FRY: variants seen among roughly 807,000 people sequenced by gnomAD.
FRY encodes the protein protein furry homolog.
FRY carries 128 observed loss-of-function variants against 348.4 expected under a neutral mutation model. That is an observed-to-expected ratio of 0.37 (90% confidence interval 0.32 to 0.43). FRY has a LOEUF of 0.43. Ranked by LOEUF, FRY falls within the 20% of genes least tolerant of loss-of-function variation. FRY has a pLI of 1.00. For missense variants in FRY, 2,736 were observed against 3,695.2 expected, an observed-to-expected ratio of 0.74 and a Z score of 6.73; for synonymous variants, 1,370 against 1,374.7, an observed-to-expected ratio of 1.00 and a Z score of 0.08.
At chr13:32,154,651 T>C (rs1406461312) in intron 14 of FRY, among the ~76,000 whole-genome samples, 1 of 152,236 alleles carries the variant, frequency 6.6e-6, no homozygotes, top group Non-Finnish European at 1.5e-5. Context: ...ACTCAATACA[T>C]TGTAACTAAA....
chr13:32,273,447 C>A (rs568415575), intron 55 of FRY, among the ~76,000 whole-genome samples: 1 of 152,138 alleles, frequency 6.6e-6, no homozygotes, highest in African/African-American at 2.4e-5. Flanking sequence ...TGGTCTCGAT[C>A]TCCTGACCTC....
Position 32,254,257 on chromosome 13 carries a change from C to G in FRY, c.7279C>G (p.Leu2427Val). ...IFSSCGDLDL[L>V]EHQTSLVSSE... ...TTCATCGTGTGGGGATCTGGATCTG[C>G]TTGAGCACCAGACAAGCTTGGTATC... Residue 2427 changes from leucine to valine, a missense_variant, in exon 51 of 61, where the codon CTT becomes GTT. Leu to Val is a conservative substitution (Grantham distance 32, BLOSUM62 1). This residue lies in a region of FRY where 789 missense variants were observed against 996.2 expected (regional missense o/e 0.79). Coordinates refer to ENST00000542859, the MANE Select transcript of FRY (RefSeq NM_023037.3). 1.2e-6 allele frequency: 2 copies of G among 1,614,010 alleles called. No homozygotes were observed. The highest frequency in any genetic ancestry group is 1.7e-6 in the Non-Finnish European group (2 of 1,179,984).
intron 3 of FRY, among the ~76,000 whole-genome samples, chr13:32,116,565 A>T (rs1312519465): frequency 6.6e-6 from 1 of 152,176 alleles, no homozygotes; most frequent in Non-Finnish European, 1.5e-5. Flanking sequence ...CAAAGGTTTT[A>T]TCCTATGTTT....
At chr13:32,055,617 C>T (rs1873582362) in intron 1 of FRY, among the ~76,000 whole-genome samples, 1 of 151,832 alleles carries the variant, frequency 6.6e-6, no homozygotes, top group African/African-American at 2.4e-5. Context: ...TTTGTCAGAC[C>T]CCTCTCCAAA....
intron 2 of FRY, among the ~76,000 whole-genome samples, chr13:32,081,369 G>C (rs1354067720): frequency 6.6e-6 from 1 of 152,162 alleles, no homozygotes; most frequent in East Asian, 1.9e-4. Context: ...CTATCACCCA[G>C]ACCTCAGTGC....
chr13:32,206,356 A>C (rs543701471), intron 31 of FRY, among the ~76,000 whole-genome samples: 35 of 152,254 alleles, frequency 2.3e-4, no homozygotes, highest in Non-Finnish European at 4.9e-4. Context: ...TGAGCAGTGC[A>C]CAGCCTCCGA....
chr13:32,142,463 C>T (rs150983933), intron 11 of FRY, among the ~76,000 whole-genome samples: 2 of 152,318 alleles, frequency 1.3e-5, no homozygotes, highest in African/African-American at 4.8e-5. Flanking sequence ...GAAAACAATA[C>T]TTATTAGAGC....
chr13:32,254,079 T>G (rs1887217133), intron 50 of FRY, 145 bp from the exon 51 acceptor site: 1 of 798,026 alleles, frequency 1.3e-6, no homozygotes, highest in African/African-American at 1.7e-5. Flanking sequence ...CCAACATAAA[T>G]AATAAAAGAA....
intron 3 of FRY, among the ~76,000 whole-genome samples, chr13:32,109,386 A>T (rs1295041838): frequency 2.0e-5 from 3 of 152,174 alleles, no homozygotes; most frequent in Non-Finnish European, 4.4e-5. Context: ...TGTAAACGCT[A>T]TAATAGAGGT....
intron 1 of FRY, among the ~76,000 whole-genome samples, chr13:32,068,895 TC>T (rs1441433173): frequency 3.4e-5 from 5 of 149,210 alleles, no homozygotes; most frequent in South Asian, 2.1e-4. Context: ...TTTTTATGGA[TC>T]CTCCATGTTC....
In FRY at chr13:32,261,391, A is replaced by G. The variant is rs1271976577; in HGVS notation, c.7417-225A>G. On this transcript the variant is annotated intron_variant, in intron 51 of 60. Transcript: ENST00000542859. ...ATTATTACCCACCATGCCAAAGAAAAGTATGTAATCATTTCTGCCTATGAC... is the reference window on the plus strand; with the variant it reads ...ATTATTACCCACCATGCCAAAGAAAGGTATGTAATCATTTCTGCCTATGAC... 8 of 721,342 alleles carry G rather than the reference A, an allele frequency of 1.1e-5. No individual in the cohort carries two copies. In the East Asian group the frequency reaches 1.8e-4, roughly 16 times the overall value. The allele number at this position is 721,342 out of a possible 1,614,324, so 44.7% of individuals were successfully genotyped here. A position where few individuals can be genotyped will look rare whatever the true frequency, so the allele number is the denominator to read the frequency against.
intron 60 of FRY, 72 bp downstream of exon 60, chr13:32,294,642 G>A: frequency 8.5e-7 from 1 of 1,170,190 alleles, no homozygotes; most frequent in Admixed American, 1.7e-5. Context: ...CATGGTTGGA[G>A]TCTAGCCCAC....
intron 3 of FRY, among the ~76,000 whole-genome samples, chr13:32,109,815 A>T (rs147150575): frequency 2.0e-5 from 3 of 152,346 alleles, no homozygotes; most frequent in African/African-American, 4.8e-5. Context: ...TCAGTTTATT[A>T]TGTGGTCACT....
rs1886271673 is a variant in FRY, at chr13:32,237,246, A to C, written c.5811-133A>C. ...TTTTTTATAGCTTTAAAGATAAGGAAAAATAAATGAATAGAAAGTGGCATT... is the reference window on the plus strand; with the variant it reads ...TTTTTTATAGCTTTAAAGATAAGGACAAATAAATGAATAGAAAGTGGCATT... On this transcript the variant is annotated intron_variant, in intron 43 of 60. Transcript: ENST00000542859. The surrounding 1 kb of genome is among the most constrained non-coding windows in gnomAD (Gnocchi z 6.3). 3 of 920,812 alleles carry C rather than the reference A, an allele frequency of 3.3e-6. No individual in the cohort carries two copies. Among genetic ancestry groups the C allele is most frequent in the Admixed American group, 4.3e-5 (2 of 45,994 alleles). 57.0% of individuals were successfully genotyped at this position (920,812 alleles called of 1,614,324 possible).
intron 51 of FRY, among the ~76,000 whole-genome samples, chr13:32,259,067 C>A (rs1887490194): frequency 6.6e-6 from 1 of 152,194 alleles, no homozygotes; most frequent in Admixed American, 6.5e-5. Context: ...TAAGTTTGAA[C>A]TGACATATAC....
chr13:32,045,719 T>A (rs1020612041), intron 1 of FRY, among the ~76,000 whole-genome samples: 1 of 152,204 alleles, frequency 6.6e-6, no homozygotes, highest in African/African-American at 2.4e-5. Flanking sequence ...ATACCAGTGA[T>A]ATCATTGGAG....
At chr13:32,162,099 A>T (rs1881476117) in intron 17 of FRY, among the ~76,000 whole-genome samples, 1 of 152,192 alleles carries the variant, frequency 6.6e-6, no homozygotes, top group Admixed American at 6.5e-5. Flanking sequence ...TGATGAAAGG[A>T]AATTGAAATA....
At chr13:32,047,582 G>GC (rs1390159735) in intron 1 of FRY, among the ~76,000 whole-genome samples, 3 of 51,470 alleles carry the variant, frequency 5.8e-5, no homozygotes, top group African/African-American at 7.4e-5. Context: ...CTTTTTTTTT[G>GC]GGGGGGGTGC....
chr13:32,293,733 C>A (rs182546180), intron 59 of FRY, among the ~76,000 whole-genome samples: 1 of 152,152 alleles, frequency 6.6e-6, no homozygotes, highest in African/African-American at 2.4e-5. Context: ...AGCATTAATA[C>A]AAACATTAGT....
Sources: allele counts gnomAD v4.1 joint callset (sites outside exome capture counted in the v4.1 genomes callset), GRCh38; gene constraint gnomAD v4.1.1; regional missense constraint gnomAD v4.1.1; non-coding constraint Gnocchi (gnomAD v3.1); transcripts MANE v1.5; gene names NCBI Gene and HGNC (gene_info 2026-07-23, HGNC 2026-07-21).